AQP8: variants seen among roughly 807,000 people sequenced by gnomAD.
The protein encoded by AQP8 is aquaporin-8.
AQP8 carries 14 observed loss-of-function variants against 26.1 expected under a neutral mutation model. The observed-to-expected ratio is 0.54, with a 90% CI of 0.35 to 0.84. The LOEUF is 0.84. AQP8 is among the 40% of genes least tolerant of loss of function. AQP8 has a pLI of 0.01. For missense variants in AQP8, 301 were observed against 340.5 expected (o/e 0.88, Z 0.91); for synonymous variants, 131 against 150.7 (o/e 0.87, Z 0.96).
intron 4 of AQP8, among the ~76,000 whole-genome samples, chr16:25,225,700 G>T (rs1017452811): frequency 6.6e-6 from 1 of 152,006 alleles, no homozygotes; most frequent in African/African-American, 2.4e-5. Flanking sequence ...GAGCCACCGC[G>T]CCCCGCCTAC....
chr16:25,227,645 G>A (rs1962653256), intron 5 of AQP8, among the ~76,000 whole-genome samples: 1 of 151,940 alleles, frequency 6.6e-6, no homozygotes, highest in Non-Finnish European at 1.5e-5. Context: ...CCGCCACCAC[G>A]CCCAGCTAAT....
At chr16:25,224,168 G>T (rs1470738504) in intron 3 of AQP8, among the ~76,000 whole-genome samples, 194 bp from the exon 4 acceptor site, 1 of 152,222 alleles carries the variant, frequency 6.6e-6, no homozygotes, top group Non-Finnish European at 1.5e-5. Context: ...GCTCAGAAAG[G>T]TTCAGTAGTT....
chr16:25,228,142 C>T (rs1962659879), intron 5 of AQP8, among the ~76,000 whole-genome samples: 1 of 151,894 alleles, frequency 6.6e-6, no homozygotes, highest in Non-Finnish European at 1.5e-5. Context: ...TGGTGCTTGT[C>T]TGTAGTCCCA....
chr16:25,228,469 C>G lies in AQP8; in HGVS notation c.763C>G (p.Arg255Gly). The change falls in exon 6 of 6, where the codon CGC (arginine) becomes GGC (glycine). Residue 255 changes from arginine (R) to glycine (G), a missense_variant. Transcript: ENST00000219660. ...IRCFIGDGKTRLILKAR is the reference protein window; with the variant it reads ...IRCFIGDGKTGLILKAR Reference sequence around the variant, plus strand: ...GTGCTTCATTGGAGATGGGAAGACCCGCCTCATCCTGAAGGCTCGGTGAAG... The same window carrying G: ...GTGCTTCATTGGAGATGGGAAGACCGGCCTCATCCTGAAGGCTCGGTGAAG... 1 of 1,613,990 alleles carries G rather than the reference C, an allele frequency of 6.2e-7. No homozygotes were observed.
At position 25,224,547 on chromosome 16, in the gene AQP8, C is replaced by G; in HGVS notation, c.573C>G (p.Gly191=). The change falls in exon 4 of 6, where the codon GGC becomes GGG. Residue 191 remains glycine, a synonymous_variant. Coordinates refer to ENST00000219660, the MANE Select transcript of AQP8 (RefSeq NM_001169.3). ...TKGPLAPFSI[G]FAVTVDILAG... is the part of the protein sequence containing the mutation. ...GCCCTCTGGCCCCGTTCTCCATCGG[C>G]TTTGCCGTCACCGTGGATATCCTGG... The G allele has an allele frequency of 6.2e-7, 1 of 1,613,056 alleles. No homozygotes were observed. Among genetic ancestry groups the G allele is most frequent in the South Asian group, 1.1e-5 (1 of 91,074 alleles).
Position 25,227,131 on chromosome 16 carries a change from C to A in AQP8, c.666C>A (p.Asn222Lys), listed in dbSNP as rs1289570577. The A allele has an allele frequency of 1.2e-6, 2 of 1,614,098 alleles. No individual in the cohort carries two copies. The highest frequency in any genetic ancestry group is 2.2e-5 in the South Asian group (2 of 91,076). Residue 222 changes from asparagine to lysine, a missense_variant, in exon 5 of 6, where the codon AAC becomes AAA. Coordinates refer to ENST00000219660, the MANE Select transcript of AQP8 (RefSeq NM_001169.3). The part of the protein sequence containing the change: ...ARAFGPAVVA[N>K]HWNFHWIYWL... ...CTTTTGGACCTGCGGTGGTGGCCAA[C>A]CACTGGAACTTCCACTGGATCTACT... is the stretch of plus-strand genomic sequence containing the variant.
At chr16:25,223,410 G>T (rs928341713) in intron 3 of AQP8, among the ~76,000 whole-genome samples, 1 of 152,234 alleles carries the variant, frequency 6.6e-6, no homozygotes. Context: ...TAAGAGTAAG[G>T]TATTTTTAGC....
At chr16:25,226,154 C>T (rs979490906) in intron 4 of AQP8, among the ~76,000 whole-genome samples, 1 of 152,214 alleles carries the variant, frequency 6.6e-6, no homozygotes, top group African/African-American at 2.4e-5. Context: ...TACAGGCATG[C>T]AATGCATAAT....
intron 3 of AQP8, among the ~76,000 whole-genome samples, chr16:25,223,507 C>T (rs547291514): frequency 1.3e-5 from 2 of 152,044 alleles, no homozygotes; most frequent in South Asian, 2.1e-4. Context: ...CCAGACCAGC[C>T]TGGGCAACAT....
intron 2 of AQP8, among the ~76,000 whole-genome samples, chr16:25,219,967 G>A (rs146010449): frequency 4.8e-4 from 73 of 152,104 alleles, no homozygotes; most frequent in African/African-American, 1.7e-3. Flanking sequence ...ACCAGGAGGC[G>A]GAGGTTGCAG....
intron 3 of AQP8, among the ~76,000 whole-genome samples, chr16:25,222,431 TC>T (rs951955956): frequency 9.9e-5 from 15 of 152,170 alleles, no homozygotes; most frequent in Admixed American, 9.8e-4. Context: ...GGCCTCCAAC[TC>T]CTGGCCTCAA....
At chr16:25,226,976 G>A (rs1962643141) in intron 4 of AQP8, 92 bp from the exon 5 acceptor site, 22 of 1,577,690 alleles carry the variant, frequency 1.4e-5, no homozygotes, top group Non-Finnish European at 1.9e-5. Flanking sequence ...GTTTCTGGGT[G>A]GTGTGTGACT....
At position 25,228,689 on chromosome 16, in the gene AQP8, A is replaced by G. The variant is rs907498547; in HGVS notation, c.*197A>G. Reference sequence around the variant, plus strand: ...AGGTTCTTGGAATTCCTTTGTGCTCATCAGAGACCCCAGCCTGGGGAACAC... The same window carrying G: ...AGGTTCTTGGAATTCCTTTGTGCTCGTCAGAGACCCCAGCCTGGGGAACAC... On this transcript the variant is annotated 3_prime_UTR_variant, in exon 6 of 6. Transcript: ENST00000219660. 1 of 573,332 alleles carries G rather than the reference A, an allele frequency of 1.7e-6. No individual in the cohort carries two copies. Among genetic ancestry groups the G allele is most frequent in the Non-Finnish European group, 3.1e-6 (1 of 322,144 alleles). The allele number at this position is 573,332 out of a possible 1,614,324, so 35.5% of individuals were successfully genotyped here.
At chr16:25,223,395 G>T (rs1303988327) in intron 3 of AQP8, among the ~76,000 whole-genome samples, 1 of 152,240 alleles carries the variant, frequency 6.6e-6, no homozygotes, top group Admixed American at 6.5e-5. Flanking sequence ...TGTTTGTAAA[G>T]TTTCTAAGAG....
In AQP8 at chr16:25,224,470, A is replaced by C. The variant is rs1296175847; in HGVS notation, c.496A>C (p.Thr166Pro). The change falls in exon 4 of 6, where the codon ACG (threonine) becomes CCG (proline). Residue 166 changes from threonine to proline, a missense_variant. By Grantham distance (38) the Thr-to-Pro change is conservative. Transcript: ENST00000219660. ...GTTGGTGGCAGAGATCATCCTGACG[A>C]CGCTGCTGGCCCTGGCTGTATGCAT... ...GALVAEIILT[T>P]LLALAVCMGA... The C allele has an allele frequency of 6.2e-7, 1 of 1,614,074 alleles. No homozygotes were observed. The highest frequency in any genetic ancestry group is 8.5e-7 in the Non-Finnish European group (1 of 1,179,998).
intron 3 of AQP8, 95 bp from the exon 4 acceptor site, chr16:25,224,267 C>T (rs984239725): frequency 8.5e-7 from 1 of 1,183,294 alleles, no homozygotes; most frequent in Non-Finnish European, 1.2e-6. Flanking sequence ...TTCACTGGCT[C>T]TTAAGGTGGG....
Position 25,220,778 on chromosome 16 carries a change from C to T in AQP8, c.261-679C>T, listed in dbSNP as rs148471744. Among the ~76,000 whole-genome samples, 496 of 152,330 alleles carry T rather than the reference C, an allele frequency of 3.3e-3. 2 individuals carry two copies. Among genetic ancestry groups the T allele is most frequent in the Non-Finnish European group, 4.8e-3 (328 of 68,038 alleles). ...CATAAAGGGAGACCCGGGCCGGGCA[C>T]GGTAGCTCGTGCCTGTAACCCCAGC... is the stretch of plus-strand genomic sequence containing the variant. On this transcript the variant is annotated intron_variant, in intron 2 of 5. Coordinates refer to ENST00000219660, the MANE Select transcript of AQP8 (RefSeq NM_001169.3).
At chr16:25,222,951 T>G (rs945809676) in intron 3 of AQP8, among the ~76,000 whole-genome samples, 3 of 152,258 alleles carry the variant, frequency 2.0e-5, no homozygotes, top group African/African-American at 7.2e-5. Flanking sequence ...TTCTGACAGC[T>G]GCGGGGCAGC....
rs781151382 is a variant in AQP8, at chr16:25,221,486, T to A, written c.290T>A (p.Leu97Gln). Residue 97 changes from leucine to glutamine, a missense_variant, in exon 3 of 6, where the codon CTG (leucine) becomes CAG (glutamine). By Grantham distance (113) the Leu-to-Gln change is moderately radical (BLOSUM62 -2). Transcript: ENST00000219660. Reference sequence around the variant, plus strand: ...GGACACTTCAACCCTGCGGTGTCCCTGGCAGCCATGCTGATCGGAGGCCTC... The same window carrying A: ...GGACACTTCAACCCTGCGGTGTCCCAGGCAGCCATGCTGATCGGAGGCCTC... ...SGGHFNPAVS[L>Q]AAMLIGGLNL... The A allele has an allele frequency of 6.8e-6, 11 of 1,614,134 alleles. No individual in the cohort carries two copies. Among genetic ancestry groups the A allele is most frequent in the Non-Finnish European group, 8.5e-6 (10 of 1,180,004 alleles).
Sources: gnomAD v4.1 joint callset for allele counts (sites outside exome capture counted in the v4.1 genomes callset) on GRCh38, gnomAD v4.1.1 for gene constraint, MANE v1.5 for transcripts, NCBI Gene and HGNC (gene_info 2026-07-23, HGNC 2026-07-21) for gene names.